Variants in CNBD1 observed in about 807,000 individuals in gnomAD.
The protein encoded by CNBD1 is cyclic nucleotide-binding domain-containing protein 1.
CNBD1 carries 71 observed loss-of-function variants against 54.4 expected under a neutral mutation model. The ratio of observed to expected loss-of-function variants is 1.30; its 90% confidence interval spans 1.08 to 1.59. CNBD1 has a LOEUF of 1.59. Ranked by LOEUF, CNBD1 falls within the 40% of genes most tolerant of loss-of-function variation. The pLI is 0.00. For synonymous variants in CNBD1, 182 were observed against 170.7 expected (o/e 1.07, Z -0.51); for missense variants, 659 against 518.0 (o/e 1.27, Z -2.64).
intron 4 of CNBD1, among the ~76,000 whole-genome samples, chr8:87,075,927 A>G (rs1051125087): frequency 1.3e-5 from 2 of 152,164 alleles, no homozygotes; most frequent in African/African-American, 4.8e-5. Context: ...TTTGTCTTTA[A>G]TAGCTCTCTG....
intron 4 of CNBD1, among the ~76,000 whole-genome samples, chr8:87,022,034 TGTTTGAA>T (rs1488179777): frequency 6.6e-6 from 1 of 152,188 alleles, no homozygotes; most frequent in Admixed American, 6.5e-5. Flanking sequence ...AGCATACCCA[TGTTTGAA>T]CTTACAGATT....
intron 10 of CNBD1, among the ~76,000 whole-genome samples, chr8:87,366,729 T>C (rs138040125): frequency 2.0e-5 from 3 of 152,184 alleles, no homozygotes; most frequent in African/African-American, 7.2e-5. Context: ...GACAGGTATC[T>C]CTGCTTTCCA....
chr8:87,419,772 C>T (rs957635616), intron 2 of CNBD1, among the ~76,000 whole-genome samples: 8 of 151,568 alleles, frequency 5.3e-5, no homozygotes, highest in African/African-American at 1.9e-4. Context: ...AGTATGAATT[C>T]CTGTGAATTC....
chr8:87,109,316 A>T (rs1586262359), intron 4 of CNBD1, among the ~76,000 whole-genome samples: 2 of 151,978 alleles, frequency 1.3e-5, no homozygotes, highest in East Asian at 3.9e-4. Context: ...TTGACCTTTG[A>T]CATCAGTATT....
At chr8:87,018,961 A>C (rs2130573172) in intron 4 of CNBD1, among the ~76,000 whole-genome samples, 1 of 152,350 alleles carries the variant, frequency 6.6e-6, no homozygotes, top group South Asian at 2.1e-4. Flanking sequence ...CCCAACCATA[A>C]AAATTTTCTG....
intron 4 of CNBD1, among the ~76,000 whole-genome samples, chr8:87,170,042 A>C (rs906960747): frequency 1.3e-5 from 2 of 152,142 alleles, no homozygotes; most frequent in Admixed American, 6.6e-5. Flanking sequence ...CTTCTAATCC[A>C]ACATGGAATA....
At chr8:87,105,636 A>G (rs992729576) in intron 4 of CNBD1, among the ~76,000 whole-genome samples, 2 of 152,154 alleles carry the variant, frequency 1.3e-5, no homozygotes, top group African/African-American at 2.4e-5. Context: ...ATTCACTGGG[A>G]AAAAAGCATG....
chr8:86,995,331 A>G (rs1304843621), intron 4 of CNBD1, among the ~76,000 whole-genome samples: 1 of 152,238 alleles, frequency 6.6e-6, no homozygotes, highest in African/African-American at 2.4e-5. Flanking sequence ...GTCTGTTGCA[A>G]CTACTCGATT....
In CNBD1 at chr8:87,408,626, T is replaced by C. The variant is rs186207490; in HGVS notation, c.214-19920T>C. On this transcript the variant is annotated intron_variant, in intron 2 of 7. Transcript: ENST00000521593. ...TTTATCGTGCTTCATTATATCATGC[T>C]TCACAGATGTTGCATTTTTAAAACA... 3.2e-3 allele frequency among the ~76,000 whole-genome samples: 485 copies of C among 152,218 alleles called. 2 individuals are homozygous for C. The highest frequency in any genetic ancestry group is 0.011 in the African/African-American group (453 of 41,538).
intron 4 of CNBD1, among the ~76,000 whole-genome samples, chr8:87,082,874 T>G (rs1243249851): frequency 6.6e-6 from 1 of 152,202 alleles, no homozygotes; most frequent in Non-Finnish European, 1.5e-5. Flanking sequence ...TTTAAATGAT[T>G]CTATTGCCTC....
intron 4 of CNBD1, among the ~76,000 whole-genome samples, chr8:86,996,206 C>T (rs889802322): frequency 1.3e-5 from 2 of 152,066 alleles, no homozygotes; most frequent in African/African-American, 2.4e-5. Context: ...GGATCTCTTC[C>T]GTTGACTGTG....
At chr8:87,390,380 A>G (rs879823391) in intron 2 of CNBD1, among the ~76,000 whole-genome samples, 15 of 152,196 alleles carry the variant, frequency 9.9e-5, no homozygotes, top group African/African-American at 1.7e-4. Flanking sequence ...AGAATCTACA[A>G]TGAACTTAAA....
At chr8:86,974,664 A>G (rs1306850076) in intron 4 of CNBD1, among the ~76,000 whole-genome samples, 1 of 152,040 alleles carries the variant, frequency 6.6e-6, no homozygotes, top group Non-Finnish European at 1.5e-5. Flanking sequence ...TATGGTTAAT[A>G]ATGTGCAACA....
At chr8:87,118,308 CTG>C (rs1811817383) in intron 4 of CNBD1, among the ~76,000 whole-genome samples, 1 of 76,444 alleles carries the variant, frequency 1.3e-5, no homozygotes, top group Non-Finnish European at 2.3e-5. Context: ...GAGCGAGACT[CTG>C]TCTCAAAAAA....
intron 4 of CNBD1, among the ~76,000 whole-genome samples, chr8:86,949,964 T>G (rs1314360556): frequency 7.7e-6 from 1 of 130,454 alleles, no homozygotes; most frequent in African/African-American, 3.0e-5. Context: ...TTTTTTTTTT[T>G]TTTTTTTTTT....
intron 8 of CNBD1, among the ~76,000 whole-genome samples, chr8:87,320,624 G>GC (rs1379523771): frequency 1.4e-5 from 2 of 146,190 alleles, no homozygotes; most frequent in African/African-American, 5.3e-5. Flanking sequence ...GTGTGTGGGG[G>GC]GGCGGCTCAG....
chr8:87,007,063 G>C (rs1162775874), intron 4 of CNBD1, among the ~76,000 whole-genome samples: 3 of 152,104 alleles, frequency 2.0e-5, no homozygotes, highest in Non-Finnish European at 2.9e-5. Context: ...CAGGCGTGGT[G>C]GTGGGCGCCT....
chr8:86,955,210 A>C (rs111844420), intron 4 of CNBD1, among the ~76,000 whole-genome samples: 2,635 of 152,134 alleles, frequency 0.017, 57 homozygotes, highest in African/African-American at 0.052. Flanking sequence ...TATGTGCTAC[A>C]TTTTCTTAAT....
At chr8:86,897,762 A>T (rs114141757) in intron 2 of CNBD1, among the ~76,000 whole-genome samples, 221 of 152,340 alleles carry the variant, frequency 1.5e-3, no homozygotes, top group African/African-American at 5.1e-3. Flanking sequence ...TATGAAGTGC[A>T]GTTTGCTAAT....
Sources: allele counts gnomAD v4.1 joint callset (sites outside exome capture counted in the v4.1 genomes callset), GRCh38; gene constraint gnomAD v4.1.1; transcripts MANE v1.5; gene names NCBI Gene and HGNC (gene_info 2026-07-23, HGNC 2026-07-21).